The following MEGF9 variants were observed in gnomAD, a reference collection of about 807,000 sequenced individuals.
MEGF9 encodes multiple epidermal growth factor-like domains protein 9.
A neutral mutation model predicts 46.8 loss-of-function variants in MEGF9; 6 were observed. The observed-to-expected ratio is 0.13, with a 90% CI of 0.07 to 0.25. The LOEUF (loss-of-function observed/expected upper bound fraction) is 0.25. Ranked by LOEUF, MEGF9 falls within the 10% of genes least tolerant of loss-of-function variation. MEGF9 has a pLI of 1.00. For missense variants in MEGF9, 683 were observed against 792.4 expected (o/e 0.86, Z 1.66); for synonymous variants, 302 against 330.7 (o/e 0.91, Z 0.94).
chr9:120,655,745 G>C (rs544056733), intron 2 of MEGF9, among the ~76,000 whole-genome samples: 3 of 152,134 alleles, frequency 2.0e-5, no homozygotes, highest in Non-Finnish European at 4.4e-5. Context: ...CCAATGTTAG[G>C]ATATAAAATG....
At position 120,714,412 on chromosome 9, in the gene MEGF9, G is replaced by A; in HGVS notation, c.-54C>T. ...CTTCTCCTCGTTGCAATCCGACCAAGGAAGCCTCCGCAACCGCCGCCGCCA... is the reference window on the plus strand; with the variant it reads ...CTTCTCCTCGTTGCAATCCGACCAAAGAAGCCTCCGCAACCGCCGCCGCCA... On this transcript the variant is annotated 5_prime_UTR_variant, in exon 1 of 6. Coordinates refer to ENST00000373930, the MANE Select transcript of MEGF9 (RefSeq NM_001080497.3). 6.5e-6 allele frequency: 8 copies of A among 1,236,406 alleles called. No individual in the cohort carries two copies. The highest frequency in any genetic ancestry group is 8.1e-6 in the Non-Finnish European group (8 of 983,034). The allele number at this position is 1,236,406 out of a possible 1,614,324, so 76.6% of individuals were successfully genotyped here.
intron 1 of MEGF9, among the ~76,000 whole-genome samples, chr9:120,683,205 C>T (rs2043806150): frequency 6.6e-6 from 1 of 152,124 alleles, no homozygotes; most frequent in Non-Finnish European, 1.5e-5. Flanking sequence ...ATTCCTGGGT[C>T]CCATCCTAGG....
At position 120,713,800 on chromosome 9, in the gene MEGF9, G is replaced by C; in HGVS notation, c.559C>G (p.Pro187Ala). The C allele has an allele frequency of 7.7e-7, 1 of 1,297,496 alleles. No homozygotes were observed. Among genetic ancestry groups the C allele is most frequent in the Non-Finnish European group, 9.8e-7 (1 of 1,022,256 alleles). The allele number at this position is 1,297,496 out of a possible 1,614,324, so 80.4% of individuals were successfully genotyped here. Residue 187 changes from proline (P) to alanine (A), a missense_variant, in exon 1 of 6, where the codon CCC (proline) becomes GCC (alanine). Coordinates refer to ENST00000373930, the MANE Select transcript of MEGF9 (RefSeq NM_001080497.3). ...LPSSSNSSVL[P>A]TPPATEAPSS... is the part of the protein sequence containing the mutation. ...GGGGCCTCGGTGGCAGGTGGGGTGG[G>C]GAGGACGCTGCTGTTGCTGCTGCTG... is the stretch of plus-strand genomic sequence containing the variant.
intron 1 of MEGF9, among the ~76,000 whole-genome samples, chr9:120,675,003 C>G (rs1290788322): frequency 6.6e-6 from 1 of 151,990 alleles, no homozygotes; most frequent in African/African-American, 2.4e-5. Flanking sequence ...CTCAGCTTCC[C>G]GAGTAGCTGG....
intron 2 of MEGF9, among the ~76,000 whole-genome samples, chr9:120,647,082 C>T (rs1034840709): frequency 8.6e-5 from 13 of 151,548 alleles, no homozygotes; most frequent in Admixed American, 6.6e-5. Context: ...GTTTAATCAA[C>T]GGCAATATCA....
intron 1 of MEGF9, among the ~76,000 whole-genome samples, chr9:120,687,757 T>C (rs992828010): frequency 6.2e-5 from 9 of 144,958 alleles, no homozygotes; most frequent in African/African-American, 2.0e-4. Flanking sequence ...TGGTTACATC[T>C]GGGTAGGGAA....
rs751379482 is a variant in MEGF9, at chr9:120,605,392, T to C, written c.1607A>G (p.Tyr536Cys). The change falls in exon 6 of 6, where the codon TAT (tyrosine) becomes TGT (cysteine). Residue 536 changes from tyrosine to cysteine, a missense_variant. Around this residue, in one of 2 missense-constraint regions of MEGF9, gnomAD observed 313 missense variants for 421.1 expected, o/e 0.74. Transcript: ENST00000373930. This position sits in a 1 kb window ranked among gnomAD's most constrained non-coding sequence, Gnocchi z 4.0. The part of the protein sequence containing the change: ...VLLMGFVGAV[Y>C]MYREYQNRKL... ...CCGGTTTTGGTACTCGCGGTACATA[T>C]ATACAGCCCCCACAAATCCCATTAG... is the stretch of plus-strand genomic sequence containing the variant. 25 of 1,614,020 alleles carry C rather than the reference T, an allele frequency of 1.5e-5. No homozygotes were observed. The highest frequency in any genetic ancestry group is 2.0e-5 in the Non-Finnish European group (24 of 1,179,892).
intron 4 of MEGF9, among the ~76,000 whole-genome samples, chr9:120,611,368 G>C (rs942927560): frequency 4.6e-5 from 7 of 152,122 alleles, no homozygotes; most frequent in African/African-American, 1.4e-4. Context: ...TTGATGAAGA[G>C]AGCAATGAAA....
At chr9:120,652,167 CACACACACACACACA>C (rs1391203526) in intron 2 of MEGF9, among the ~76,000 whole-genome samples, 2 of 42,118 alleles carry the variant, frequency 4.7e-5, no homozygotes, top group African/African-American at 1.6e-4. Context: ...CACACACACA[CACACACACACACACA>C]AAAAAAAAAA....
rs2043411620 is a variant in MEGF9, at chr9:120,604,542, C to G, written c.*648G>C. 6.5e-6 allele frequency: 1 copy of G among 152,918 alleles called. No individual in the cohort carries two copies. The highest frequency in any genetic ancestry group is 2.4e-5 in the African/African-American group (1 of 41,394). 9.5% of individuals were successfully genotyped at this position (152,918 alleles called of 1,614,324 possible). A position where few individuals can be genotyped will look rare whatever the true frequency, so the allele number is the denominator to read the frequency against. ...TTTACACTGAGACCCTGAGGAGGAC[C>G]ATCAGCCTCCTGCTCCCCAATGCTG... On this transcript the variant is annotated 3_prime_UTR_variant, in exon 6 of 6. Coordinates refer to ENST00000373930, the MANE Select transcript of MEGF9 (RefSeq NM_001080497.3).
At chr9:120,642,621 G>A (rs1393675661) in intron 2 of MEGF9, among the ~76,000 whole-genome samples, 1 of 152,214 alleles carries the variant, frequency 6.6e-6, no homozygotes, top group African/African-American at 2.4e-5. Context: ...CGGTGAACAT[G>A]TTAGTCAAGA....
intron 1 of MEGF9, among the ~76,000 whole-genome samples, chr9:120,674,797 T>C (rs1351527784): frequency 2.0e-5 from 3 of 152,002 alleles, no homozygotes; most frequent in Non-Finnish European, 4.4e-5. Context: ...CTCAAACTCA[T>C]GGCCTCAAGT....
chr9:120,636,459 T>G (rs2132310978), intron 2 of MEGF9, among the ~76,000 whole-genome samples: 1 of 152,292 alleles, frequency 6.6e-6, no homozygotes, highest in Non-Finnish European at 1.5e-5. Context: ...GGCCAGAAAT[T>G]CATAATACTC....
At chr9:120,631,636 C>T (rs927062409) in intron 2 of MEGF9, among the ~76,000 whole-genome samples, 1 of 150,634 alleles carries the variant, frequency 6.6e-6, no homozygotes, top group Non-Finnish European at 1.5e-5. Context: ...AGGTGTGCAC[C>T]ACCATGCCTG....
At chr9:120,651,209 C>T (rs889921012) in intron 2 of MEGF9, among the ~76,000 whole-genome samples, 2 of 152,194 alleles carry the variant, frequency 1.3e-5, no homozygotes, top group African/African-American at 4.8e-5. Flanking sequence ...TTATTATTTA[C>T]ATAACATGAG....
chr9:120,710,262 T>C (rs10984990), intron 1 of MEGF9, among the ~76,000 whole-genome samples: 104,169 of 151,104 alleles, frequency 0.69, 36,064 homozygotes, highest in South Asian at 0.75. Flanking sequence ...AACACTGTCT[T>C]TACTAAAAAC....
intron 5 of MEGF9, 62 bp downstream of exon 5, chr9:120,607,679 C>T (rs2043425642): frequency 3.2e-6 from 5 of 1,553,610 alleles, no homozygotes; most frequent in Admixed American, 3.4e-5. Flanking sequence ...TTTTACAAAG[C>T]CTTCCATTTT....
Position 120,713,983 on chromosome 9 carries a change from TGGTCGGCGAGGGGC to T in MEGF9, c.362_375del (p.Gly121AspfsTer80). 7.3e-7 allele frequency: 1 copy of T among 1,378,654 alleles called. No homozygotes were observed. The highest frequency in any genetic ancestry group is 9.4e-7 in the Non-Finnish European group (1 of 1,061,258). 85.4% of individuals were successfully genotyped at this position (1,378,654 alleles called of 1,614,324 possible). ...GAAGTGCGTTCCGCCGCCGGAGGGG[TGGTCGGCGAGGGGC>T]CGAGCGGCGCCTGAAAGGTGGTGGA... On this transcript the variant is annotated frameshift_variant, in exon 1 of 6. Coordinates refer to ENST00000373930, the MANE Select transcript of MEGF9 (RefSeq NM_001080497.3). LOFTEE classifies it high-confidence loss of function.
chr9:120,612,043 A>G (rs768487482), intron 4 of MEGF9, among the ~76,000 whole-genome samples: 1 of 152,186 alleles, frequency 6.6e-6, no homozygotes, highest in Non-Finnish European at 1.5e-5. Context: ...TAACTAATAT[A>G]TATATCAGGA....
Sources: allele counts gnomAD v4.1 joint callset (sites outside exome capture counted in the v4.1 genomes callset), GRCh38; gene constraint gnomAD v4.1.1; regional missense constraint gnomAD v4.1.1; non-coding constraint Gnocchi (gnomAD v3.1); transcripts MANE v1.5; gene names NCBI Gene and HGNC (gene_info 2026-07-23, HGNC 2026-07-21).